The following MGA variants were observed in gnomAD, a reference collection of about 807,000 sequenced individuals.
MGA encodes MAX gene-associated protein.
Under a neutral mutation model 261.1 loss-of-function variants are expected in MGA, and 40 were observed. The observed-to-expected ratio is 0.15, with a 90% CI of 0.12 to 0.20. MGA has a LOEUF of 0.20. Among genes scored for constraint, MGA ranks in the 10% least tolerant of loss-of-function variants. The pLI is 1.00. For missense variants in MGA, 3,397 were observed against 3,630.5 expected (o/e 0.94, Z 1.65); for synonymous variants, 1,302 against 1,290.6 (o/e 1.01, Z -0.19).
At chr15:41,694,442 G>A (rs1201052827) in intron 2 of MGA, among the ~76,000 whole-genome samples, 3 of 151,924 alleles carry the variant, frequency 2.0e-5, no homozygotes, top group Admixed American at 6.6e-5. Flanking sequence ...TTTTAGTTGT[G>A]TAAATGCTGT....
chr15:41,721,237 G>A (rs2060922699), intron 9 of MGA, among the ~76,000 whole-genome samples: 1 of 152,168 alleles, frequency 6.6e-6, no homozygotes. Context: ...GGAGGCTGAG[G>A]TGGGTGGATT....
intron 11 of MGA, among the ~76,000 whole-genome samples, chr15:41,730,693 A>G (rs1376170010): frequency 6.6e-6 from 1 of 152,200 alleles, no homozygotes; most frequent in African/African-American, 2.4e-5. Flanking sequence ...CACAATAAAG[A>G]CAAAATATGT....
chr15:41,754,749 G>T (rs1036666245), intron 18 of MGA, among the ~76,000 whole-genome samples, 182 bp downstream of exon 18: 3 of 152,146 alleles, frequency 2.0e-5, no homozygotes, highest in African/African-American at 7.2e-5. Context: ...TTGGTCGTTG[G>T]TAGGAGGCAG....
intron 2 of MGA, among the ~76,000 whole-genome samples, chr15:41,679,554 G>A (rs1363132681): frequency 1.3e-5 from 2 of 151,926 alleles, no homozygotes. Context: ...TCTTTTTGAT[G>A]CTATTATATA....
chr15:41,629,592 G>C (rs2056543432), intron 1 of MGA, among the ~76,000 whole-genome samples: 1 of 152,098 alleles, frequency 6.6e-6, no homozygotes. Context: ...TTAGCTGGGT[G>C]TGGTGGTGTG....
intron 2 of MGA, among the ~76,000 whole-genome samples, chr15:41,674,629 C>T (rs1028487538): frequency 6.6e-6 from 1 of 152,110 alleles, no homozygotes; most frequent in African/African-American, 2.4e-5. Context: ...AAGTGATTCT[C>T]CTGCCTCAGC....
intron 17 of MGA, among the ~76,000 whole-genome samples, chr15:41,753,059 A>G (rs913926882): frequency 5.3e-5 from 8 of 152,208 alleles, no homozygotes; most frequent in African/African-American, 1.9e-4. Context: ...GGGAAGTTGT[A>G]AATAGCTTCT....
At chr15:41,688,340 G>T (rs1217914100) in intron 2 of MGA, among the ~76,000 whole-genome samples, 1 of 152,122 alleles carries the variant, frequency 6.6e-6, no homozygotes, top group Admixed American at 6.6e-5. Context: ...AGAGTGCTGA[G>T]ATTATAGACA....
chr15:41,664,069 A>G (rs1365543615), intron 1 of MGA, among the ~76,000 whole-genome samples: 1 of 152,228 alleles, frequency 6.6e-6, no homozygotes, highest in Non-Finnish European at 1.5e-5. Flanking sequence ...GGTTTTAGTC[A>G]TAAATTAAGT....
chr15:41,766,427 A>C lies in MGA; in HGVS notation c.8345A>C (p.Asp2782Ala), dbSNP rs2063800408. 1 of 1,613,992 alleles carries C rather than the reference A, an allele frequency of 6.2e-7. No homozygotes were observed. Among genetic ancestry groups the C allele is most frequent in the African/African-American group, 1.3e-5 (1 of 75,064 alleles). Reference sequence around the variant, plus strand: ...TCATTTCATAAATTAAAGATGAAAGATCTCAAGGACTCAAGCATAGAGATG... The same window carrying C: ...TCATTTCATAAATTAAAGATGAAAGCTCTCAAGGACTCAAGCATAGAGATG... The change falls in exon 24 of 24, where the codon GAT (aspartate) becomes GCT (alanine). Residue 2782 changes from aspartate to alanine, a missense_variant. By Grantham distance (126) the Asp-to-Ala change is moderately radical. Transcript: ENST00000219905.
chr15:41,758,118 TGTAA>T (rs1469245144), intron 19 of MGA, among the ~76,000 whole-genome samples: 17 of 152,174 alleles, frequency 1.1e-4, no homozygotes, highest in Admixed American at 1.0e-3. Flanking sequence ...AAACTGTTCT[TGTAA>T]TGGTCTGATG....
At chr15:41,737,537 T>G (rs2151806359) in intron 13 of MGA, among the ~76,000 whole-genome samples, 1 of 152,308 alleles carries the variant, frequency 6.6e-6, no homozygotes, top group East Asian at 1.9e-4. Flanking sequence ...TTTTCTTTAT[T>G]TGATTCGTAG....
chr15:41,696,514 T>G lies in MGA; in HGVS notation c.1504T>G (p.Leu502Val), dbSNP rs372134334. 2.2e-5 allele frequency: 36 copies of G among 1,614,034 alleles called. No individual in the cohort carries two copies. The African/African-American group carries it at 4.4e-4, about 20-fold the overall frequency. ...ATCTCGAAAGGATAAATCTTCTATGTTGGCAGAATTGGAATATTTGCCTAC... is the reference window on the plus strand; with the variant it reads ...ATCTCGAAAGGATAAATCTTCTATGGTGGCAGAATTGGAATATTTGCCTAC... The change falls in exon 3 of 24, where the codon TTG becomes GTG. Residue 502 changes from leucine (L) to valine (V), a missense_variant. Transcript: ENST00000219905.
intron 2 of MGA, among the ~76,000 whole-genome samples, chr15:41,693,525 G>C (rs576875728): frequency 2.8e-4 from 43 of 152,146 alleles, no homozygotes; most frequent in African/African-American, 9.6e-4. Flanking sequence ...TTCATGTAAT[G>C]GTTGCTTGTG....
At chr15:41,703,837 G>A (rs1460771739) in intron 5 of MGA, among the ~76,000 whole-genome samples, 1 of 152,160 alleles carries the variant, frequency 6.6e-6, no homozygotes, top group East Asian at 1.9e-4. Flanking sequence ...ACAGGGTCTC[G>A]CTTTGTCACC....
intron 2 of MGA, among the ~76,000 whole-genome samples, chr15:41,693,779 TTTC>T (rs1370958967): frequency 2.6e-5 from 4 of 152,212 alleles, no homozygotes; most frequent in African/African-American, 9.6e-5. Context: ...TTTATACTTT[TTTC>T]TTTAGTTTCA....
At chr15:41,670,710 GT>G (rs1595642121) in intron 2 of MGA, among the ~76,000 whole-genome samples, 1 of 152,110 alleles carries the variant, frequency 6.6e-6, no homozygotes, top group Admixed American at 6.5e-5. Context: ...GTTTCACTGT[GT>G]TAGCCAGGAT....
At chr15:41,720,058 G>C (rs1351645298) in intron 9 of MGA, among the ~76,000 whole-genome samples, 1 of 152,070 alleles carries the variant, frequency 6.6e-6, no homozygotes, top group African/African-American at 2.4e-5. Context: ...CTTTTTATGT[G>C]AAACATGAAA....
chr15:41,624,870 C>T (rs948432512), intron 1 of MGA, among the ~76,000 whole-genome samples: 13 of 152,148 alleles, frequency 8.5e-5, no homozygotes, highest in African/African-American at 3.1e-4. Flanking sequence ...AGGCCAGGCA[C>T]GTGGCTCATG....
Sources: gnomAD v4.1 joint callset for allele counts (sites outside exome capture counted in the v4.1 genomes callset) on GRCh38, gnomAD v4.1.1 for gene constraint, MANE v1.5 for transcripts, NCBI Gene and HGNC (gene_info 2026-07-23, HGNC 2026-07-21) for gene names.